PTPN11: variants seen among roughly 807,000 people sequenced by gnomAD.
The protein encoded by PTPN11 is tyrosine-protein phosphatase non-receptor type 11.
PTPN11 carries 6 observed loss-of-function variants against 78.8 expected under a neutral mutation model. The observed-to-expected ratio is 0.08, with a 90% CI of 0.04 to 0.15. PTPN11 has a LOEUF of 0.15. PTPN11 is among the 10% of genes least tolerant of loss of function. The probability of loss-of-function intolerance (pLI) is 1.00; values close to 1 mark genes in which losing one functional copy is unlikely to be tolerated. For synonymous variants in PTPN11, 221 were observed against 263.5 expected, an observed-to-expected ratio of 0.84 and a Z score of 1.56; for missense variants, 386 against 744.8, an observed-to-expected ratio of 0.52 and a Z score of 5.61.
chr12:112,492,635 A>G (rs1386039896), intron 13 of PTPN11, among the ~76,000 whole-genome samples: 2 of 151,470 alleles, frequency 1.3e-5, no homozygotes, highest in Non-Finnish European at 2.9e-5. Flanking sequence ...CTCCTGCCTC[A>G]GCCTCCCAAG....
chr12:112,457,530 C>G (rs1395683260), intron 6 of PTPN11: 1 of 154,620 alleles, frequency 6.5e-6, no homozygotes, highest in Non-Finnish European at 1.4e-5. Context: ...TGGGTATATA[C>G]CCAGTAATGG....
At chr12:112,479,843 C>G (rs996742513) in intron 9 of PTPN11, among the ~76,000 whole-genome samples, 1 of 152,156 alleles carries the variant, frequency 6.6e-6, no homozygotes, top group African/African-American at 2.4e-5. Flanking sequence ...TGCCCCACCC[C>G]TCACCACCAT....
chr12:112,441,847 G>T (rs2037895664), intron 1 of PTPN11, among the ~76,000 whole-genome samples: 1 of 151,720 alleles, frequency 6.6e-6, no homozygotes, highest in South Asian at 2.1e-4. Flanking sequence ...GGTGATCTGG[G>T]CTCACTGCAA....
At chr12:112,481,275 C>G (rs2038591850) in intron 9 of PTPN11, among the ~76,000 whole-genome samples, 1 of 152,196 alleles carries the variant, frequency 6.6e-6, no homozygotes, top group Admixed American at 6.5e-5. Flanking sequence ...CTTGCCTTCC[C>G]TATGGAGTGA....
At chr12:112,471,343 G>C (rs1000332876) in intron 6 of PTPN11, among the ~76,000 whole-genome samples, 1 of 150,606 alleles carries the variant, frequency 6.6e-6, no homozygotes, top group Non-Finnish European at 1.5e-5. Flanking sequence ...TTAAACACTA[G>C]GCTTTTTGTA....
At chr12:112,421,611 A>G (rs968218291) in intron 1 of PTPN11, among the ~76,000 whole-genome samples, 16 of 151,890 alleles carry the variant, frequency 1.1e-4, no homozygotes, top group Admixed American at 2.6e-4. Context: ...CACCCTGCCC[A>G]GCCCTAGAAT....
At chr12:112,454,509 C>G (rs571619922) in intron 4 of PTPN11, 55 bp from the exon 5 acceptor site, 3 of 1,317,474 alleles carry the variant, frequency 2.3e-6, no homozygotes, top group Admixed American at 3.4e-5. Flanking sequence ...TGCTTGAAAA[C>G]ACTAATGTAA....
Position 112,482,110 on chromosome 12 carries a change from C to T in PTPN11, c.1129C>T (p.Leu377=), listed in dbSNP as rs1322494804. The change falls in exon 10 of 16, where the codon CTA becomes TTA. Residue 377 remains leucine, a synonymous_variant. Coordinates refer to ENST00000351677, the MANE Select transcript of PTPN11 (RefSeq NM_002834.5). The surrounding 1 kb of genome is among the most constrained non-coding windows in gnomAD (Gnocchi z 4.4). ...CVKYWPDEYA[L]KEYGVMRVRN... ...CAAATACTGGCCTGATGAGTATGCT[C>T]TAAAAGAATATGGCGTCATGCGTGT... 12 of 1,590,482 alleles carry T rather than the reference C, an allele frequency of 7.5e-6. No homozygotes were observed. The highest frequency in any genetic ancestry group is 1.0e-5 in the Non-Finnish European group (12 of 1,158,646).
chr12:112,435,524 C>T lies in PTPN11; in HGVS notation c.15-10752C>T, dbSNP rs569106734. ...TAACTGGTGTTTAAAATGAAGCAAC[C>T]GCTGAGCCTGCTGTATTTCATTTAA... On this transcript the variant is annotated intron_variant, in intron 1 of 15. Transcript: ENST00000351677. 3.9e-4 allele frequency among the ~76,000 whole-genome samples: 59 copies of T among 152,110 alleles called. 1 individual carries two copies. In the South Asian group the frequency reaches 0.01, roughly 26 times the overall value.
intron 6 of PTPN11, among the ~76,000 whole-genome samples, chr12:112,471,377 CT>C (rs779351912): frequency 9.1e-4 from 121 of 132,362 alleles, no homozygotes; most frequent in East Asian, 1.1e-3. Context: ...TTGAAATTGA[CT>C]TTTTTTTTTT....
chr12:112,478,982 C>G (rs182608359), intron 9 of PTPN11, among the ~76,000 whole-genome samples: 17 of 152,288 alleles, frequency 1.1e-4, no homozygotes, highest in Non-Finnish European at 2.4e-4. Context: ...GATCCACCTT[C>G]CTTGACCTCC....
chr12:112,472,295 C>A (rs2038430947), intron 6 of PTPN11, among the ~76,000 whole-genome samples: 1 of 152,098 alleles, frequency 6.6e-6, no homozygotes, highest in Non-Finnish European at 1.5e-5. Context: ...TATGCCATTT[C>A]TTTTGTACGT....
chr12:112,419,004 C>T lies in PTPN11; in HGVS notation c.-108C>T, dbSNP rs1209037598. ...CTGTGCGCGGCCGGCTGGCTCTGCC[C>T]CGCGTCCGGTCCCGAGCGGGCCTCC... On this transcript the variant is annotated 5_prime_UTR_variant, in exon 1 of 16. Transcript: ENST00000351677. 6.3e-6 allele frequency: 9 copies of T among 1,435,004 alleles called. No homozygotes were observed. Among genetic ancestry groups the T allele is most frequent in the Non-Finnish European group, 8.5e-6 (9 of 1,060,734 alleles). 88.9% of individuals were successfully genotyped at this position (1,435,004 alleles called of 1,614,324 possible).
At chr12:112,444,131 A>G (rs573951828) in intron 1 of PTPN11, among the ~76,000 whole-genome samples, 15 of 152,248 alleles carry the variant, frequency 9.9e-5, no homozygotes, top group Admixed American at 8.5e-4. Flanking sequence ...CATTCAAACT[A>G]TAGCATTGTC....
At chr12:112,496,032 A>C (rs1225858833) in intron 13 of PTPN11, among the ~76,000 whole-genome samples, 2 of 152,254 alleles carry the variant, frequency 1.3e-5, no homozygotes, top group African/African-American at 2.4e-5. Context: ...CTTGGAGCTT[A>C]ATTGAAACTG....
At chr12:112,481,992 C>G in intron 9 of PTPN11, 82 bp from the exon 10 acceptor site, 1 of 1,432,748 alleles carries the variant, frequency 7.0e-7, no homozygotes, top group South Asian at 1.2e-5. Flanking sequence ...TTAAGCAAGA[C>G]TTGAACATTT....
At chr12:112,473,845 C>CA (rs560246280) in intron 7 of PTPN11, among the ~76,000 whole-genome samples, 7,813 of 135,024 alleles carry the variant, frequency 0.058, 492 homozygotes, top group African/African-American at 0.16. Flanking sequence ...AACTCCGTCT[C>CA]AAAAAAAAAA....
intron 13 of PTPN11, among the ~76,000 whole-genome samples, chr12:112,494,119 T>C (rs568807498): frequency 1.3e-5 from 2 of 152,286 alleles, no homozygotes; most frequent in East Asian, 3.9e-4. Flanking sequence ...CTGGATGTGG[T>C]GGCGCACACC....
intron 9 of PTPN11, among the ~76,000 whole-genome samples, chr12:112,481,416 TG>T (rs2038593704): frequency 6.6e-6 from 1 of 152,220 alleles, no homozygotes. Flanking sequence ...GACATGTGCT[TG>T]GAACAGACAC....
Sources: allele counts gnomAD v4.1 joint callset (sites outside exome capture counted in the v4.1 genomes callset), GRCh38; gene constraint gnomAD v4.1.1; non-coding constraint Gnocchi (gnomAD v3.1); transcripts MANE v1.5; gene names NCBI Gene and HGNC (gene_info 2026-07-23, HGNC 2026-07-21).